Variants in RILPL1 observed in about 807,000 individuals in gnomAD.
The protein encoded by RILPL1 is Rab interacting lysosomal protein like 1.
A neutral mutation model predicts 50.3 loss-of-function variants in RILPL1; 33 were observed. That is an observed-to-expected ratio of 0.66 (90% CI 0.50 to 0.88). The LOEUF is 0.88. RILPL1 is among the 40% of genes least tolerant of loss of function. RILPL1 has a pLI of 0.00. For missense variants in RILPL1, 418 were observed against 542.5 expected (o/e 0.77, Z 2.28); for synonymous variants, 205 against 228.6 (o/e 0.90, Z 0.93).
intron 2 of RILPL1, among the ~76,000 whole-genome samples, chr12:123,501,006 G>T (rs917566894): frequency 1.3e-5 from 2 of 152,108 alleles, no homozygotes; most frequent in African/African-American, 4.8e-5. Flanking sequence ...TACTCGGGAG[G>T]CTGAGGCAGG....
chr12:123,527,151 C>T (rs1225052126), intron 1 of RILPL1, among the ~76,000 whole-genome samples: 1 of 151,876 alleles, frequency 6.6e-6, no homozygotes, highest in Non-Finnish European at 1.5e-5. Context: ...GGCAACATGG[C>T]AAAACTCTGT....
In RILPL1 at chr12:123,522,773, C is replaced by T. The variant is rs1307202954; in HGVS notation, c.460+722G>A. ...GCACCTGGCTTATTTTTAAAAAAAT[C>T]GTTAGTAGAGACGGGGTCTATGTTG... On this transcript the variant is annotated intron_variant, in intron 2 of 6. Transcript: ENST00000376874. This position sits in a 1 kb window ranked among gnomAD's most constrained non-coding sequence, Gnocchi z 4.0. Among the ~76,000 whole-genome samples, 1 of 151,988 alleles carries T rather than the reference C, an allele frequency of 6.6e-6. No homozygotes were observed.
intron 6 of RILPL1, among the ~76,000 whole-genome samples, chr12:123,482,071 A>G (rs1203178097): frequency 6.6e-6 from 1 of 151,422 alleles, no homozygotes; most frequent in African/African-American, 2.4e-5. Flanking sequence ...ATGAGGTTTC[A>G]CCATGTTGGC....
chr12:123,498,207 TTCTC>T lies in RILPL1; in HGVS notation c.801+333_801+336del, dbSNP rs113125813. Among the ~76,000 whole-genome samples, 46 of 151,052 alleles carry T rather than the reference TTCTC, an allele frequency of 3.0e-4. No homozygotes were observed. The highest frequency in any genetic ancestry group is 3.4e-3 in the Middle Eastern group (1 of 294). On this transcript the variant is annotated intron_variant, in intron 4 of 6. Transcript: ENST00000376874. The surrounding 1 kb of genome is among the most constrained non-coding windows in gnomAD (Gnocchi z 4.3). ...TTGTTCTCTCTGAGCCTCTCGTTTT[TTCTC>T]TCTCTCTCTCTCTCTTTTTTTTTTA...
At chr12:123,510,134 C>T (rs990015022) in intron 2 of RILPL1, among the ~76,000 whole-genome samples, 2 of 152,326 alleles carry the variant, frequency 1.3e-5, no homozygotes, top group Non-Finnish European at 1.5e-5. Flanking sequence ...CCAAGCCGGG[C>T]CCCCCGCTTG....
intron 2 of RILPL1, among the ~76,000 whole-genome samples, chr12:123,520,351 A>T (rs1884953925): frequency 6.6e-6 from 1 of 152,196 alleles, no homozygotes; most frequent in Admixed American, 6.5e-5. Flanking sequence ...CTTAGGTCAG[A>T]ACTTCAAGGC....
intron 2 of RILPL1, among the ~76,000 whole-genome samples, chr12:123,512,145 CTGTGTGTGTGGTGTGTGAGGTCTGTG>C (rs2139365933): frequency 6.3e-5 from 2 of 31,698 alleles, no homozygotes; most frequent in Admixed American, 3.6e-4. Context: ...TGTGTGAGGT[CTGTGTGTGTGGTGTGTGAGGTCTGTG>C]TGTGTGTGGT....
At chr12:123,532,568 AGAG>A (rs776542474) in intron 1 of RILPL1, among the ~76,000 whole-genome samples, 25 of 152,138 alleles carry the variant, frequency 1.6e-4, no homozygotes, top group East Asian at 9.6e-4. Flanking sequence ...GGATAAAATC[AGAG>A]GAGAGAACAC....
chr12:123,499,668 T>A, intron 2 of RILPL1, 132 bp from the exon 3 acceptor site: 1 of 685,488 alleles, frequency 1.5e-6, no homozygotes, highest in East Asian at 2.7e-5. Context: ...TCCTCTCCAC[T>A]CTCCACTCAC....
chr12:123,524,805 C>T (rs368379830), intron 1 of RILPL1, among the ~76,000 whole-genome samples: 36 of 152,300 alleles, frequency 2.4e-4, no homozygotes, highest in Middle Eastern at 3.4e-3. Context: ...GGAATAGGTA[C>T]GGAGTTTCTT....
chr12:123,530,995 A>G (rs1010466874), intron 1 of RILPL1, among the ~76,000 whole-genome samples: 2 of 124,958 alleles, frequency 1.6e-5, no homozygotes, highest in African/African-American at 5.2e-5. Flanking sequence ...GAGACAAGGA[A>G]GAAGGGGTAG....
At chr12:123,500,014 C>G (rs1883272598) in intron 2 of RILPL1, among the ~76,000 whole-genome samples, 1 of 151,696 alleles carries the variant, frequency 6.6e-6, no homozygotes, top group East Asian at 1.9e-4. Flanking sequence ...TCACTGCAGG[C>G]TCCTCCTCCC....
intron 6 of RILPL1, 199 bp from the exon 7 acceptor site, chr12:123,472,881 T>C (rs970199294): frequency 9.0e-5 from 52 of 580,650 alleles, no homozygotes; most frequent in Admixed American, 2.4e-4. Flanking sequence ...TTGGACACGG[T>C]ACCTTGGAGG....
At chr12:123,473,845 A>AG (rs1301707560) in intron 6 of RILPL1, 1 of 151,398 alleles carries the variant, frequency 6.6e-6, no homozygotes, top group Non-Finnish European at 1.5e-5. Flanking sequence ...AAACAAAAGA[A>AG]AAAAAAAAGT....
rs1178549138 is a variant in RILPL1, at chr12:123,526,233, G to C, written c.310-2588C>G. Among the ~76,000 whole-genome samples the C allele has an allele frequency of 2.0e-5, 3 of 152,172 alleles. No individual in the cohort carries two copies. The East Asian group carries it at 5.8e-4, about 29-fold the overall frequency. ...AGCCAGGAGAACTGCTTGAACCTGA[G>C]AGGCAGAGGCTGTAGTGAGCCGAGA... On this transcript the variant is annotated intron_variant, in intron 1 of 6. Coordinates refer to ENST00000376874, the MANE Select transcript of RILPL1 (RefSeq NM_178314.5).
At chr12:123,520,401 A>G (rs11522339) in intron 2 of RILPL1, among the ~76,000 whole-genome samples, 100 of 152,104 alleles carry the variant, frequency 6.6e-4, no homozygotes, top group African/African-American at 2.3e-3. Context: ...TCTATTAAAA[A>G]TACAAATATT....
intron 2 of RILPL1, among the ~76,000 whole-genome samples, chr12:123,510,927 GTGGTGT>G (rs1033733290): frequency 6.7e-6 from 1 of 148,298 alleles, no homozygotes; most frequent in Admixed American, 6.7e-5. Flanking sequence ...CTGTGTGTGT[GTGGTGT>G]GTGTAAGGTT....
chr12:123,491,105 G>C lies in RILPL1; in HGVS notation c.802-5300C>G, dbSNP rs1882662945. Among the ~76,000 whole-genome samples the C allele has an allele frequency of 6.6e-6, 1 of 152,218 alleles. No homozygotes were observed. The highest frequency in any genetic ancestry group is 1.5e-5 in the Non-Finnish European group (1 of 68,036). On this transcript the variant is annotated intron_variant, in intron 4 of 6. Transcript: ENST00000376874. This position sits in a 1 kb window ranked among gnomAD's most constrained non-coding sequence, Gnocchi z 4.0. ...GGCAGAAGGACAGCCCTGGGCTCCA[G>C]CTTCTCGAGAGGCCACCAGGCAGTG...
At chr12:123,486,024 A>C (rs1882310345) in intron 4 of RILPL1, among the ~76,000 whole-genome samples, 1 of 152,062 alleles carries the variant, frequency 6.6e-6, no homozygotes, top group African/African-American at 2.4e-5. Flanking sequence ...CCTTCCCAAT[A>C]GCCGAACCCA....
Sources: allele counts gnomAD v4.1 joint callset (sites outside exome capture counted in the v4.1 genomes callset), GRCh38; gene constraint gnomAD v4.1.1; non-coding constraint Gnocchi (gnomAD v3.1); transcripts MANE v1.5; gene names NCBI Gene and HGNC (gene_info 2026-07-23, HGNC 2026-07-21).